Variants in ZBTB20 observed in about 807,000 individuals in gnomAD.
ZBTB20 encodes zinc finger and BTB domain containing 20.
Under a neutral mutation model 56.9 loss-of-function variants are expected in ZBTB20, and 9 were observed. That is an observed-to-expected ratio of 0.16 (90% CI 0.10 to 0.28). The LOEUF (loss-of-function observed/expected upper bound fraction) is 0.28. Ranked by LOEUF, ZBTB20 falls within the 10% of genes least tolerant of loss-of-function variation. The probability of loss-of-function intolerance (pLI) is 1.00; values close to 1 mark genes in which losing one functional copy is unlikely to be tolerated. For missense variants in ZBTB20, 655 were observed against 1,003.0 expected, an observed-to-expected ratio of 0.65 and a Z score of 4.69; for synonymous variants, 417 against 420.7, an observed-to-expected ratio of 0.99 and a Z score of 0.11.
chr3:114,655,983 T>C (rs1035285651), intron 6 of ZBTB20, among the ~76,000 whole-genome samples: 2 of 152,224 alleles, frequency 1.3e-5, no homozygotes, highest in African/African-American at 4.8e-5. Flanking sequence ...CCCTTCACCC[T>C]GAAGCACTCA....
chr3:114,945,165 G>A (rs16823410), intron 3 of ZBTB20, among the ~76,000 whole-genome samples: 1 of 144,750 alleles, frequency 6.9e-6, no homozygotes, highest in Non-Finnish European at 1.5e-5. Flanking sequence ...AAATACCAAC[G>A]TAGAATTCTC....
chr3:114,445,862 T>C (rs1186152638), intron 7 of ZBTB20, among the ~76,000 whole-genome samples: 1 of 152,290 alleles, frequency 6.6e-6, no homozygotes, highest in East Asian at 1.9e-4. Context: ...GGAGTCAAGG[T>C]ATTTTTAAAG....
intron 7 of ZBTB20, among the ~76,000 whole-genome samples, chr3:114,395,574 G>A (rs1396133540): frequency 6.6e-6 from 1 of 152,094 alleles, no homozygotes; most frequent in African/African-American, 2.4e-5. Context: ...CCAAGTCTAC[G>A]TCACCAGCCC....
At chr3:115,124,203 T>A (rs939563551) in intron 1 of ZBTB20, among the ~76,000 whole-genome samples, 3 of 152,232 alleles carry the variant, frequency 2.0e-5, no homozygotes, top group Non-Finnish European at 2.9e-5. Context: ...GAATAGTATA[T>A]GTTTTATGCT....
intron 1 of ZBTB20, among the ~76,000 whole-genome samples, chr3:115,146,465 A>G (rs1278206112): frequency 6.6e-6 from 1 of 152,162 alleles, no homozygotes; most frequent in African/African-American, 2.4e-5. Flanking sequence ...ACTTTCAAGA[A>G]CCTTCCAACC....
At chr3:114,393,742 C>G (rs943708533) in intron 7 of ZBTB20, among the ~76,000 whole-genome samples, 7 of 152,210 alleles carry the variant, frequency 4.6e-5, no homozygotes, top group Admixed American at 6.5e-5. Flanking sequence ...GCCACAAATT[C>G]TCCCTAGAAC....
chr3:114,315,074 T>C lies in ZBTB20; in HGVS notation c.*23931A>G, dbSNP rs1480852829. 6.6e-6 allele frequency: 1 copy of C among 151,966 alleles called. No individual in the cohort carries two copies. Among genetic ancestry groups the C allele is most frequent in the African/African-American group, 2.4e-5 (1 of 41,382 alleles). 9.4% of individuals were successfully genotyped at this position (151,966 alleles called of 1,614,324 possible). ...GATAACTGACAACAATTTAAGAGTATAATGAGAAAAAAAAAGGAACAAACT... is the reference window on the plus strand; with the variant it reads ...GATAACTGACAACAATTTAAGAGTACAATGAGAAAAAAAAAGGAACAAACT... On this transcript the variant is annotated 3_prime_UTR_variant, in exon 12 of 12. Coordinates refer to ENST00000675478, the MANE Select transcript of ZBTB20 (RefSeq NM_001348800.3).
intron 3 of ZBTB20, among the ~76,000 whole-genome samples, chr3:114,950,195 C>T (rs2077018984): frequency 6.6e-6 from 1 of 152,166 alleles, no homozygotes; most frequent in Non-Finnish European, 1.5e-5. Flanking sequence ...ATACCTGAAA[C>T]TGCAAATAGT....
intron 3 of ZBTB20, among the ~76,000 whole-genome samples, chr3:114,935,711 A>G (rs1163581570): frequency 2.0e-5 from 3 of 152,166 alleles, no homozygotes; most frequent in African/African-American, 7.2e-5. Context: ...GTTCAGCTCC[A>G]TCTTCAATCT....
chr3:114,962,248 C>T (rs1269290006), intron 3 of ZBTB20, among the ~76,000 whole-genome samples: 2 of 151,982 alleles, frequency 1.3e-5, no homozygotes, highest in Non-Finnish European at 2.9e-5. Context: ...AGGTAAGAGC[C>T]TAGTATATTA....
At position 114,335,100 on chromosome 3, in the gene ZBTB20, T is replaced by C. The variant is rs2079405843; in HGVS notation, c.*3905A>G. 1 of 152,160 alleles carries C rather than the reference T, an allele frequency of 6.6e-6. No individual in the cohort carries two copies. Among genetic ancestry groups the C allele is most frequent in the Non-Finnish European group, 1.5e-5 (1 of 68,024 alleles). 9.4% of individuals were successfully genotyped at this position (152,160 alleles called of 1,614,324 possible). ...ATATTATTTTTTTATAAACCATATC[T>C]AAATATCTTGAGATAAAAATTCCCC... On this transcript the variant is annotated 3_prime_UTR_variant, in exon 12 of 12. Transcript: ENST00000675478.
chr3:115,012,811 G>A (rs929358081), intron 2 of ZBTB20, among the ~76,000 whole-genome samples: 1 of 151,682 alleles, frequency 6.6e-6, no homozygotes, highest in African/African-American at 2.4e-5. Flanking sequence ...TAGACCATAC[G>A]TCGGGTCACA....
Position 114,590,345 on chromosome 3 carries a change from G to A in ZBTB20, c.-294-89954C>T, listed in dbSNP as rs182028535. On this transcript the variant is annotated intron_variant, in intron 6 of 11. Transcript: ENST00000675478. ...ATGGTGGGCACCTGTTATCCCAGCA[G>A]GAGGCTGAGGCAAGTGAATCGCTTG... Among the ~76,000 whole-genome samples the A allele has an allele frequency of 1.6e-4, 25 of 152,092 alleles. No individual in the cohort carries two copies. The East Asian group carries it at 4.6e-3, about 28-fold the overall frequency.
At chr3:114,456,212 TGGAGAG>T (rs2092006439) in intron 7 of ZBTB20, among the ~76,000 whole-genome samples, 2 of 151,334 alleles carry the variant, frequency 1.3e-5, no homozygotes, top group African/African-American at 4.9e-5. Context: ...TATATATATA[TGGAGAG>T]AGAGAGAGAG....
At chr3:114,731,672 C>T (rs1253682457) in intron 5 of ZBTB20, among the ~76,000 whole-genome samples, 1 of 152,144 alleles carries the variant, frequency 6.6e-6, no homozygotes, top group African/African-American at 2.4e-5. Flanking sequence ...ACATTAGTTA[C>T]TAATCCAGCT....
rs1253241631 is a variant in ZBTB20 at position 114,350,481 on chromosome 3, C to T, written c.1597G>A (p.Ala533Thr). ...PFLFSLPQPL[A>T]GQQTQFVTVS... ...GTCACAAACTGGGTCTGCTGGCCTGCCAGGGGCTGTGGCAGGCTGAAGAGG... is the reference window on the plus strand; with the variant it reads ...GTCACAAACTGGGTCTGCTGGCCTGTCAGGGGCTGTGGCAGGCTGAAGAGG... The change falls in exon 11 of 12, where the codon GCA becomes ACA. Residue 533 changes from alanine to threonine, a missense_variant. Transcript: ENST00000675478. 1 of 1,614,098 alleles carries T rather than the reference C, an allele frequency of 6.2e-7. No individual in the cohort carries two copies. The highest frequency in any genetic ancestry group is 1.1e-5 in the South Asian group (1 of 91,072).
chr3:114,582,202 T>A (rs1046799839), intron 6 of ZBTB20: 1 of 152,166 alleles, frequency 6.6e-6, no homozygotes, highest in African/African-American at 2.4e-5. Flanking sequence ...CACCTTGGGT[T>A]GGGTGTTGTC....
At chr3:114,609,865 A>G (rs1390021960) in intron 6 of ZBTB20, among the ~76,000 whole-genome samples, 3 of 152,224 alleles carry the variant, frequency 2.0e-5, no homozygotes, top group Admixed American at 1.3e-4. Context: ...CTGAAAGATT[A>G]CAGATTGTAG....
chr3:114,845,268 A>C (rs993584459), intron 4 of ZBTB20, among the ~76,000 whole-genome samples: 1 of 150,978 alleles, frequency 6.6e-6, no homozygotes. Flanking sequence ...AAGCAAAATT[A>C]TAGAAACTTA....
Sources: gnomAD v4.1 joint callset for allele counts (sites outside exome capture counted in the v4.1 genomes callset) on GRCh38, gnomAD v4.1.1 for gene constraint, MANE v1.5 for transcripts, NCBI Gene and HGNC (gene_info 2026-07-23, HGNC 2026-07-21) for gene names.